Variants in CCDC178 observed in about 807,000 individuals in gnomAD.
CCDC178 encodes the protein coiled-coil domain containing 178.
Under a neutral mutation model 117.4 loss-of-function variants are expected in CCDC178, and 126 were observed. The ratio of observed to expected loss-of-function variants is 1.07; its 90% confidence interval spans 0.93 to 1.24. The LOEUF is 1.24. Among genes scored for constraint, CCDC178 ranks in the 50% most tolerant of loss-of-function variants. The probability of loss-of-function intolerance (pLI) is 0.00; values close to 1 mark genes in which losing one functional copy is unlikely to be tolerated. For synonymous variants in CCDC178, 283 were observed against 313.4 expected, an observed-to-expected ratio of 0.90 and a Z score of 1.02; for missense variants, 1,030 against 986.9, an observed-to-expected ratio of 1.04 and a Z score of -0.59.
At chr18:32,958,999 C>T (rs1792499414) in intron 22 of CCDC178, among the ~76,000 whole-genome samples, 2 of 152,120 alleles carry the variant, frequency 1.3e-5, no homozygotes, top group South Asian at 4.1e-4. Flanking sequence ...GTTACCAAAT[C>T]CCCCAAATGT....
intron 20 of CCDC178, among the ~76,000 whole-genome samples, chr18:33,177,327 C>T (rs747860617): frequency 4.0e-5 from 6 of 151,896 alleles, no homozygotes; most frequent in African/African-American, 1.5e-4. Flanking sequence ...CAAACCTGCA[C>T]GTTCTGCACA....
chr18:33,156,002 T>TAA (rs200372884), intron 20 of CCDC178, among the ~76,000 whole-genome samples: 2 of 129,910 alleles, frequency 1.5e-5, no homozygotes, highest in African/African-American at 5.7e-5. Context: ...AAATCTTTAG[T>TAA]AAAAAAAAAA....
chr18:33,069,627 G>C (rs1828945872), intron 21 of CCDC178, among the ~76,000 whole-genome samples: 1 of 152,002 alleles, frequency 6.6e-6, no homozygotes, highest in South Asian at 2.1e-4. Flanking sequence ...AAGATTTTAT[G>C]GCTAACACTT....
chr18:33,376,587 C>A (rs966788047), intron 5 of CCDC178, among the ~76,000 whole-genome samples: 13 of 151,990 alleles, frequency 8.6e-5, no homozygotes, highest in Admixed American at 1.3e-4. Context: ...AGTTTTTTAA[C>A]CTTTGGCCCC....
intron 22 of CCDC178, among the ~76,000 whole-genome samples, chr18:32,970,462 G>C (rs552368996): frequency 3.2e-4 from 48 of 151,808 alleles, no homozygotes; most frequent in African/African-American, 1.1e-3. Flanking sequence ...ATACTACCTT[G>C]AGAATAGGAA....
chr18:33,260,005 T>C (rs2059722845), intron 14 of CCDC178, among the ~76,000 whole-genome samples: 1 of 152,064 alleles, frequency 6.6e-6, no homozygotes, highest in Admixed American at 6.5e-5. Context: ...TTCAATGAAT[T>C]TTTAATGTGA....
chr18:33,429,167 T>G (rs2064170603), intron 2 of CCDC178, among the ~76,000 whole-genome samples: 1 of 152,144 alleles, frequency 6.6e-6, no homozygotes, highest in Admixed American at 6.6e-5. Context: ...GAAAAGATAC[T>G]GCAAATGTGG....
intron 2 of CCDC178, among the ~76,000 whole-genome samples, chr18:33,416,452 C>T (rs1321395322): frequency 6.6e-6 from 1 of 151,452 alleles, no homozygotes; most frequent in Non-Finnish European, 1.5e-5. Flanking sequence ...AAAAAAACTG[C>T]CCCCACAAAG....
At chr18:32,987,295 A>G (rs1451224604) in intron 21 of CCDC178, among the ~76,000 whole-genome samples, 1 of 149,094 alleles carries the variant, frequency 6.7e-6, no homozygotes, top group Non-Finnish European at 1.5e-5. Flanking sequence ...ACTAAATAAT[A>G]AAAAAAATTA....
chr18:33,410,900 T>A (rs1165039539), intron 3 of CCDC178, among the ~76,000 whole-genome samples: 1 of 152,110 alleles, frequency 6.6e-6, no homozygotes, highest in Non-Finnish European at 1.5e-5. Context: ...AACCCAGAGA[T>A]CAAGCCCCTT....
intron 11 of CCDC178, among the ~76,000 whole-genome samples, chr18:33,300,818 A>G (rs1222732081): frequency 2.0e-5 from 3 of 152,198 alleles, no homozygotes; most frequent in African/African-American, 7.2e-5. Flanking sequence ...TTAAAAGTGA[A>G]ATTTATATTT....
chr18:33,323,715 T>G (rs2062548481), intron 10 of CCDC178, 82 bp from the exon 11 acceptor site: 2 of 844,374 alleles, frequency 2.4e-6, no homozygotes, highest in African/African-American at 1.8e-5. Flanking sequence ...TAGTATTGAT[T>G]TAGATCAAAA....
intron 20 of CCDC178, among the ~76,000 whole-genome samples, chr18:33,167,374 C>T (rs2144407159): frequency 1.3e-5 from 2 of 152,250 alleles, no homozygotes; most frequent in Non-Finnish European, 2.9e-5. Context: ...AATTTACAGT[C>T]CCACCAGCCG....
At chr18:33,235,289 C>G (rs1167437789) in intron 15 of CCDC178, among the ~76,000 whole-genome samples, 1 of 152,118 alleles carries the variant, frequency 6.6e-6, no homozygotes, top group East Asian at 1.9e-4. Flanking sequence ...AAACGACCCC[C>G]ACCCCCAGTA....
intron 21 of CCDC178, among the ~76,000 whole-genome samples, chr18:33,057,061 C>T (rs1312548816): frequency 3.4e-5 from 5 of 149,168 alleles, no homozygotes; most frequent in Non-Finnish European, 5.9e-5. Context: ...AACTAACTAA[C>T]TAAATAAGCA....
intron 6 of CCDC178, among the ~76,000 whole-genome samples, chr18:33,365,682 TTC>T (rs1023476635): frequency 2.0e-5 from 3 of 152,098 alleles, no homozygotes; most frequent in African/African-American, 7.2e-5. Flanking sequence ...TTTAAATGCT[TTC>T]TCTCTGTGTT....
chr18:33,032,225 G>A (rs1226901007), intron 21 of CCDC178, among the ~76,000 whole-genome samples: 1 of 152,078 alleles, frequency 6.6e-6, no homozygotes, highest in Non-Finnish European at 1.5e-5. Context: ...GTAGAACTGA[G>A]ATCCTTGTTT....
chr18:33,239,228 A>T (rs2059458814), intron 15 of CCDC178, among the ~76,000 whole-genome samples: 1 of 152,086 alleles, frequency 6.6e-6, no homozygotes, highest in South Asian at 2.1e-4. Flanking sequence ...AAAAGAGTCA[A>T]ACCTTATTAC....
intron 20 of CCDC178, among the ~76,000 whole-genome samples, chr18:33,093,738 T>C (rs113652662): frequency 0.017 from 2,624 of 152,090 alleles, 40 homozygotes; most frequent in Non-Finnish European, 0.028. Flanking sequence ...ATATGGTATT[T>C]ATCAATAGCT....
Sources: gnomAD v4.1 joint callset for allele counts (sites outside exome capture counted in the v4.1 genomes callset) on GRCh38, gnomAD v4.1.1 for gene constraint, MANE v1.5 for transcripts, NCBI Gene and HGNC (gene_info 2026-07-23, HGNC 2026-07-21) for gene names.